NRXN3: variants seen among roughly 807,000 people sequenced by gnomAD.
The protein encoded by NRXN3 is neurexin III.
Under a neutral mutation model 137.6 loss-of-function variants are expected in NRXN3, and 32 were observed. The ratio of observed to expected loss-of-function variants is 0.23; its 90% CI spans 0.18 to 0.31. The LOEUF (loss-of-function observed/expected upper bound fraction) is 0.31. Ranked by LOEUF, NRXN3 falls within the 10% of genes least tolerant of loss-of-function variation. The pLI, the probability that NRXN3 is intolerant of heterozygous loss-of-function variation, is 1.00. For missense variants in NRXN3, 1,574 were observed against 2,062.5 expected (o/e 0.76, Z 4.59); for synonymous variants, 798 against 784.5 (o/e 1.02, Z -0.29).
intron 10 of NRXN3, among the ~76,000 whole-genome samples, chr14:78,891,102 A>G (rs1225221548): frequency 6.6e-6 from 1 of 151,938 alleles, no homozygotes; most frequent in Non-Finnish European, 1.5e-5. Context: ...TGGGTGGAAT[A>G]AGACTTCTAA....
At chr14:79,453,963 C>T (rs2096218417) in intron 15 of NRXN3, among the ~76,000 whole-genome samples, 1 of 152,102 alleles carries the variant, frequency 6.6e-6, no homozygotes, top group South Asian at 2.1e-4. Context: ...ACATTATCCT[C>T]CCTCCATCTT....
chr14:78,255,450 A>G (rs372239048), intron 2 of NRXN3, among the ~76,000 whole-genome samples: 64 of 152,274 alleles, frequency 4.2e-4, no homozygotes, highest in African/African-American at 1.4e-3. Context: ...GCTCTTCCTG[A>G]TGTTGAGTTT....
intron 4 of NRXN3, among the ~76,000 whole-genome samples, chr14:78,307,666 A>G (rs2077506391): frequency 6.6e-6 from 1 of 152,116 alleles, no homozygotes; most frequent in African/African-American, 2.4e-5. Context: ...GGTGGAAAAG[A>G]CCATATGCTT....
In NRXN3 at chr14:78,220,942, A is replaced by C. The variant is rs1359495264; in HGVS notation, c.-703-21449A>C. Among the ~76,000 whole-genome samples the C allele has an allele frequency of 2.0e-5, 3 of 152,168 alleles. No individual in the cohort carries two copies. The East Asian group carries it at 5.8e-4, about 30-fold the overall frequency. ...GAGGAAGGGGAAAAGGGTTTAGAAG[A>C]GCTGGAGAAGGGAGCATATTGGGGA... On this transcript the variant is annotated intron_variant, in intron 1 of 20. Transcript: ENST00000335750.
intron 15 of NRXN3, among the ~76,000 whole-genome samples, chr14:79,220,183 C>T (rs1434439012): frequency 6.6e-6 from 1 of 152,118 alleles, no homozygotes; most frequent in African/African-American, 2.4e-5. Flanking sequence ...AAGACTATTG[C>T]CTACATCAGA....
chr14:79,358,667 A>AAGAAAGAAAGAAAGTG (rs1566903569), intron 15 of NRXN3, among the ~76,000 whole-genome samples: 1 of 150,136 alleles, frequency 6.7e-6, no homozygotes, highest in Non-Finnish European at 1.5e-5. Flanking sequence ...GAAAGAAAGA[A>AAGAAAGAAAGAAAGTG]AGTGTCCTAA....
chr14:78,853,391 A>G (rs1163385635), intron 10 of NRXN3, among the ~76,000 whole-genome samples: 1 of 152,102 alleles, frequency 6.6e-6, no homozygotes, highest in Non-Finnish European at 1.5e-5. Context: ...CTGTTGATGG[A>G]CACATAGTTT....
At chr14:78,865,587 C>G (rs1010980646) in intron 10 of NRXN3, among the ~76,000 whole-genome samples, 4 of 152,138 alleles carry the variant, frequency 2.6e-5, no homozygotes, top group Non-Finnish European at 5.9e-5. Context: ...CCTATCAAAG[C>G]TTCTGTTGGA....
At chr14:78,726,685 A>T (rs1247183283) in intron 8 of NRXN3, among the ~76,000 whole-genome samples, 1 of 151,606 alleles carries the variant, frequency 6.6e-6, no homozygotes, top group African/African-American at 2.4e-5. Flanking sequence ...CACCCGGCTA[A>T]TTTTTGTATT....
At chr14:78,687,853 C>T (rs746312436) in intron 6 of NRXN3, among the ~76,000 whole-genome samples, 1 of 152,098 alleles carries the variant, frequency 6.6e-6, no homozygotes, top group Non-Finnish European at 1.5e-5. Flanking sequence ...CACAAGGGGC[C>T]GATAAATACA....
At chr14:78,769,134 T>C (rs1427952842) in intron 8 of NRXN3, among the ~76,000 whole-genome samples, 3 of 152,130 alleles carry the variant, frequency 2.0e-5, no homozygotes, top group African/African-American at 7.2e-5. Flanking sequence ...CAGATTATGG[T>C]TCAAAAGGGC....
chr14:78,810,496 G>A (rs1474583255), intron 10 of NRXN3, 152 bp downstream of exon 10: 3 of 168,466 alleles, frequency 1.8e-5, no homozygotes, highest in Non-Finnish European at 3.5e-5. Context: ...AAGATGGGGG[G>A]CTGGGTGAGG....
At chr14:79,727,605 TA>T (rs774086653) in intron 19 of NRXN3, among the ~76,000 whole-genome samples, 1,853 of 148,162 alleles carry the variant, frequency 0.013, 19 homozygotes, top group Non-Finnish European at 0.02. Context: ...TGATTTGGGT[TA>T]AAAAAAAAAA....
chr14:78,288,072 C>G (rs2153514561), intron 3 of NRXN3, among the ~76,000 whole-genome samples: 1 of 152,096 alleles, frequency 6.6e-6, no homozygotes, highest in East Asian at 1.9e-4. Context: ...CTCTGCCTCC[C>G]AAGTTCAAGC....
At chr14:79,040,338 A>G (rs760547644) in intron 15 of NRXN3, among the ~76,000 whole-genome samples, 1 of 152,230 alleles carries the variant, frequency 6.6e-6, no homozygotes, top group Non-Finnish European at 1.5e-5. Context: ...ATGTAAACAA[A>G]TACTTCTAAC....
intron 4 of NRXN3, among the ~76,000 whole-genome samples, chr14:78,444,690 C>G (rs957164419): frequency 1.3e-5 from 2 of 151,672 alleles, no homozygotes; most frequent in Non-Finnish European, 2.9e-5. Context: ...GAGGCTGAGG[C>G]GGGTGGATGA....
intron 1 of NRXN3, among the ~76,000 whole-genome samples, chr14:78,221,578 T>C (rs543059758): frequency 6.6e-6 from 1 of 152,318 alleles, no homozygotes; most frequent in African/African-American, 2.4e-5. Flanking sequence ...CACAAAAAAC[T>C]GGATGATACG....
At chr14:78,976,130 G>T (rs1425958844) in intron 14 of NRXN3, among the ~76,000 whole-genome samples, 1 of 152,154 alleles carries the variant, frequency 6.6e-6, no homozygotes, top group Non-Finnish European at 1.5e-5. Context: ...GAAAGGAGCT[G>T]CAGAACTATA....
intron 4 of NRXN3, among the ~76,000 whole-genome samples, chr14:78,320,790 C>T (rs538195162): frequency 1.3e-5 from 2 of 152,218 alleles, no homozygotes; most frequent in East Asian, 3.9e-4. Context: ...ATGAGGAAAT[C>T]GAGGTTTAAA....
Sources: allele counts gnomAD v4.1 joint callset (sites outside exome capture counted in the v4.1 genomes callset), GRCh38; gene constraint gnomAD v4.1.1; transcripts MANE v1.5; gene names NCBI Gene and HGNC (gene_info 2026-07-23, HGNC 2026-07-21).